The following USP13 variants were observed in gnomAD, a reference collection of about 807,000 sequenced individuals.
USP13 encodes ubiquitin specific peptidase 13.
USP13 carries 68 observed loss-of-function variants against 107.8 expected under a neutral mutation model. That is an observed-to-expected ratio of 0.63 (90% CI 0.52 to 0.77). The LOEUF is 0.77. Among genes scored for constraint, USP13 ranks in the 30% least tolerant of loss-of-function variants. The pLI, the probability that USP13 is intolerant of heterozygous loss-of-function variation, is 0.00. For missense variants in USP13, 945 were observed against 1,093.3 expected (o/e 0.86, Z 1.91); for synonymous variants, 377 against 389.5 (o/e 0.97, Z 0.38).
At chr3:179,728,338 C>T (rs1309095919) in intron 8 of USP13, among the ~76,000 whole-genome samples, 4 of 148,976 alleles carry the variant, frequency 2.7e-5, no homozygotes, top group Admixed American at 6.7e-5. Context: ...CCTCACATCC[C>T]GGACGGGGCG....
chr3:179,747,327 C>T (rs1052346783), intron 13 of USP13, among the ~76,000 whole-genome samples: 1 of 152,172 alleles, frequency 6.6e-6, no homozygotes, highest in South Asian at 2.1e-4. Context: ...ACTGATTCCT[C>T]GAACATTTAT....
intron 19 of USP13, among the ~76,000 whole-genome samples, chr3:179,767,166 G>A (rs1560080323): frequency 6.6e-6 from 1 of 152,138 alleles, no homozygotes; most frequent in Non-Finnish European, 1.5e-5. Flanking sequence ...ATCAGCTCAT[G>A]CTTACCTCAT....
intron 6 of USP13, among the ~76,000 whole-genome samples, chr3:179,709,951 C>T (rs1013224725): frequency 6.6e-6 from 1 of 150,916 alleles, no homozygotes; most frequent in Non-Finnish European, 1.5e-5. Context: ...GGACATGGCT[C>T]ACCAATCATT....
intron 19 of USP13, among the ~76,000 whole-genome samples, chr3:179,774,235 G>A (rs1309582132): frequency 1.3e-5 from 2 of 152,110 alleles, no homozygotes; most frequent in Non-Finnish European, 2.9e-5. Flanking sequence ...TACCAGGAGA[G>A]GGCACCAAGG....
At chr3:179,728,138 T>A (rs1243234072) in intron 8 of USP13, among the ~76,000 whole-genome samples, 5 of 101,234 alleles carry the variant, frequency 4.9e-5, no homozygotes, top group South Asian at 4.1e-4. Context: ...CACTTCCCAG[T>A]AGGGGCGGCC....
intron 4 of USP13, among the ~76,000 whole-genome samples, chr3:179,704,014 A>T (rs185647517): frequency 2.0e-5 from 3 of 152,286 alleles, no homozygotes; most frequent in African/African-American, 7.2e-5. Context: ...AAGGCATGGG[A>T]TGGAGCCAGG....
intron 8 of USP13, among the ~76,000 whole-genome samples, chr3:179,727,936 A>G (rs1447029184): frequency 2.0e-5 from 1 of 49,776 alleles, no homozygotes; most frequent in African/African-American, 4.9e-5. Context: ...TGACCCCCCC[A>G]CCTCCCTCTC....
chr3:179,727,358 GGT>G (rs1713564732), intron 8 of USP13, among the ~76,000 whole-genome samples: 1 of 119,140 alleles, frequency 8.4e-6, no homozygotes, highest in Non-Finnish European at 1.8e-5. Flanking sequence ...ATTAGGGAGT[GGT>G]GATGACTCTT....
At chr3:179,713,410 CAT>C (rs1171810336) in intron 6 of USP13, among the ~76,000 whole-genome samples, 1 of 152,128 alleles carries the variant, frequency 6.6e-6, no homozygotes, top group Non-Finnish European at 1.5e-5. Context: ...CAAGCTGTAA[CAT>C]ATTGTTTATT....
intron 1 of USP13, among the ~76,000 whole-genome samples, chr3:179,666,188 C>T (rs1720582638): frequency 1.3e-5 from 2 of 152,114 alleles, no homozygotes; most frequent in Admixed American, 6.5e-5. Flanking sequence ...GAGGGACCAG[C>T]CACTTATGAG....
chr3:179,720,942 G>C (rs1713291294), intron 7 of USP13, among the ~76,000 whole-genome samples: 1 of 151,424 alleles, frequency 6.6e-6, no homozygotes, highest in Non-Finnish European at 1.5e-5. Context: ...CCGAGTAGCT[G>C]GGACTAAAGG....
chr3:179,733,615 A>G (rs1713882161), intron 10 of USP13, among the ~76,000 whole-genome samples: 3 of 152,204 alleles, frequency 2.0e-5, no homozygotes, highest in African/African-American at 7.2e-5. Flanking sequence ...TGAGCCTGAA[A>G]TGCCCCAAGA....
At chr3:179,754,386 C>G (rs1714715016) in intron 14 of USP13, among the ~76,000 whole-genome samples, 1 of 152,276 alleles carries the variant, frequency 6.6e-6, no homozygotes, top group South Asian at 2.1e-4. Flanking sequence ...TGGATTTTAC[C>G]TTAAATCTTC....
chr3:179,716,152 G>A (rs1475385339), intron 6 of USP13, among the ~76,000 whole-genome samples: 3 of 151,940 alleles, frequency 2.0e-5, no homozygotes, highest in South Asian at 2.1e-4. Flanking sequence ...TTGAACTCCC[G>A]ACCTCAGGTG....
At chr3:179,754,471 A>G (rs568554415) in intron 14 of USP13, among the ~76,000 whole-genome samples, 4 of 152,330 alleles carry the variant, frequency 2.6e-5, no homozygotes, top group African/African-American at 7.2e-5. Context: ...CACATGGTCT[A>G]TGGGCTGCCA....
At chr3:179,719,012 C>G (rs1713210344) in intron 6 of USP13, among the ~76,000 whole-genome samples, 1 of 152,146 alleles carries the variant, frequency 6.6e-6, no homozygotes, top group East Asian at 1.9e-4. Flanking sequence ...GCCTCGGCCT[C>G]CCAAAGAAGA....
chr3:179,705,272 G>GTGA (rs1712671990), intron 4 of USP13, among the ~76,000 whole-genome samples: 1 of 152,158 alleles, frequency 6.6e-6, no homozygotes, highest in African/African-American at 2.4e-5. Flanking sequence ...CAGGATATGA[G>GTGA]TGATGTAGAT....
At position 179,700,951 on chromosome 3, in the gene USP13, A is replaced by G. The variant is rs1219367591; in HGVS notation, c.356-57A>G. ...TCTGGCTTTTCCAGTGAGTGCTGCC[A>G]TAGTGTGGGATATTATTTTCCTCAC... On this transcript the variant is annotated intron_variant, in intron 3 of 20. Coordinates refer to ENST00000263966, the MANE Select transcript of USP13 (RefSeq NM_003940.3). 55 of 1,559,880 alleles carry G rather than the reference A, an allele frequency of 3.5e-5. 2 individuals are homozygous for G. In the South Asian group the frequency reaches 5.1e-4, roughly 15 times the overall value.
intron 19 of USP13, among the ~76,000 whole-genome samples, chr3:179,772,005 A>G (rs1715355880): frequency 6.6e-6 from 1 of 152,174 alleles, no homozygotes; most frequent in African/African-American, 2.4e-5. Context: ...TATTCTGATG[A>G]GGAAGTGGTG....
Sources: allele counts gnomAD v4.1 joint callset (sites outside exome capture counted in the v4.1 genomes callset), GRCh38; gene constraint gnomAD v4.1.1; transcripts MANE v1.5; gene names NCBI Gene and HGNC (gene_info 2026-07-23, HGNC 2026-07-21).